The following PDE1A variants were observed in gnomAD, a reference collection of about 807,000 sequenced individuals.
PDE1A encodes phosphodiesterase 1A, also known as dual specificity calcium/calmodulin-dependent 3',5'-cyclic nucleotide phosphodiesterase 1A.
Under a neutral mutation model 61.7 loss-of-function variants are expected in PDE1A, and 35 were observed. That is an observed-to-expected ratio of 0.57 (90% CI 0.43 to 0.75). The LOEUF (loss-of-function observed/expected upper bound fraction) is 0.75. Among genes scored for constraint, PDE1A ranks in the 30% least tolerant of loss-of-function variants. PDE1A has a pLI of 0.00. For missense variants in PDE1A, 597 were observed against 630.6 expected (o/e 0.95, Z 0.57); for synonymous variants, 232 against 213.2 (o/e 1.09, Z -0.77).
chr2:182,560,305 T>C, the PDE1A span, among the ~76,000 whole-genome samples: 6 of 147,634 alleles, frequency 4.1e-5, no homozygotes, highest in African/African-American at 1.2e-4. Context: ...TGAGTGAGAA[T>C]ATGCGGTGTT....
chr2:182,272,379 T>A (rs11886671), intron 1 of PDE1A, among the ~76,000 whole-genome samples: 40,225 of 151,886 alleles, frequency 0.26, 5,437 homozygotes, highest in Middle Eastern at 0.38. Flanking sequence ...CATATTTTCA[T>A]TTTTTCACTG....
intron 1 of PDE1A, among the ~76,000 whole-genome samples, chr2:182,319,592 T>G (rs990123742): frequency 1.3e-5 from 2 of 152,166 alleles, no homozygotes; most frequent in Non-Finnish European, 2.9e-5. Flanking sequence ...CCTGTGGCAA[T>G]CTAAGGAATA....
chr2:182,473,030 T>C (rs1687134519), intron 2 of PDE1A, among the ~76,000 whole-genome samples: 1 of 151,864 alleles, frequency 6.6e-6, no homozygotes, highest in African/African-American at 2.4e-5. Context: ...GTTACATATG[T>C]ATACATGTGC....
intron 2 of PDE1A, among the ~76,000 whole-genome samples, chr2:182,241,500 A>T (rs1039272315): frequency 6.6e-6 from 1 of 152,236 alleles, no homozygotes. Context: ...AAAACAAAGG[A>T]CAAAAAACAG....
At chr2:182,456,832 T>C (rs1685951265) in intron 2 of PDE1A, among the ~76,000 whole-genome samples, 2 of 152,072 alleles carry the variant, frequency 1.3e-5, no homozygotes, top group Admixed American at 1.3e-4. Context: ...ATCAAATTAG[T>C]CTCTATGCTC....
the PDE1A span, among the ~76,000 whole-genome samples, chr2:182,624,031 A>T: frequency 6.6e-6 from 1 of 150,566 alleles, no homozygotes; most frequent in Non-Finnish European, 1.5e-5. Flanking sequence ...AGGCTGAGGC[A>T]GGAGAATGGC....
the PDE1A span, among the ~76,000 whole-genome samples, chr2:182,626,271 GC>G: frequency 6.6e-6 from 1 of 152,228 alleles, no homozygotes; most frequent in Non-Finnish European, 1.5e-5. Context: ...TCTAGTTAAA[GC>G]TTTTTACTGG....
intron 2 of PDE1A, among the ~76,000 whole-genome samples, chr2:182,464,322 A>C (rs1686510878): frequency 6.6e-6 from 1 of 152,134 alleles, no homozygotes; most frequent in Non-Finnish European, 1.5e-5. Context: ...GTGGGGTATA[A>C]GGCAAATACC....
chr2:182,611,195 A>G, the PDE1A span, among the ~76,000 whole-genome samples: 1 of 152,208 alleles, frequency 6.6e-6, no homozygotes, highest in Admixed American at 6.5e-5. Flanking sequence ...GCCCACTTCC[A>G]ATTCCATGCA....
upstream of PDE1A, among the ~76,000 whole-genome samples, chr2:182,525,279 T>C (rs1574857326): frequency 6.6e-6 from 1 of 152,292 alleles, no homozygotes. Context: ...TTCAATAGAT[T>C]TTAGTGACAA....
chr2:182,370,037 C>T (rs747367484), intron 1 of PDE1A, among the ~76,000 whole-genome samples: 16 of 151,808 alleles, frequency 1.1e-4, no homozygotes, highest in Non-Finnish European at 2.2e-4. Context: ...ATTAGCCGGG[C>T]GTGGTGGTGG....
At chr2:182,566,902 C>T in the PDE1A span, among the ~76,000 whole-genome samples, 7 of 152,162 alleles carry the variant, frequency 4.6e-5, no homozygotes, top group African/African-American at 1.7e-4. Context: ...CTGTGAATAC[C>T]TAGATTTAGT....
intron 1 of PDE1A, among the ~76,000 whole-genome samples, chr2:182,292,516 T>C (rs1028271248): frequency 5.9e-5 from 9 of 152,070 alleles, no homozygotes; most frequent in African/African-American, 1.9e-4. Flanking sequence ...TTTTAAAATA[T>C]GTATTCCACA....
At chr2:182,236,998 T>C (rs911290283) in intron 3 of PDE1A, among the ~76,000 whole-genome samples, 23 of 152,222 alleles carry the variant, frequency 1.5e-4, no homozygotes, top group Non-Finnish European at 3.1e-4. Context: ...TGACTCATCC[T>C]TGAATTAGAA....
chr2:182,420,403 T>C (rs1574615127), intron 1 of PDE1A, among the ~76,000 whole-genome samples: 1 of 152,176 alleles, frequency 6.6e-6, no homozygotes, highest in Non-Finnish European at 1.5e-5. Flanking sequence ...CAGTTGGAAC[T>C]GACATAACTG....
chr2:182,209,780 C>T (rs1687426105), intron 7 of PDE1A, among the ~76,000 whole-genome samples: 1 of 152,058 alleles, frequency 6.6e-6, no homozygotes, highest in Non-Finnish European at 1.5e-5. Flanking sequence ...TGTAAGTTTC[C>T]TGAGGCCTCC....
chr2:182,527,091 A>G (rs191600322), upstream of PDE1A, among the ~76,000 whole-genome samples: 117 of 148,968 alleles, frequency 7.9e-4, no homozygotes, highest in African/African-American at 2.8e-3. Flanking sequence ...AAGTAAAAAG[A>G]ATTTTTTTAA....
At chr2:182,557,074 C>G in the PDE1A span, among the ~76,000 whole-genome samples, 1 of 152,080 alleles carries the variant, frequency 6.6e-6, no homozygotes, top group African/African-American at 2.4e-5. Context: ...GCGGGTGGAT[C>G]ACCTGAGGTC....
intron 1 of PDE1A, among the ~76,000 whole-genome samples, chr2:182,288,895 T>C (rs544812413): frequency 2.9e-4 from 44 of 152,212 alleles, no homozygotes; most frequent in African/African-American, 9.4e-4. Flanking sequence ...GAAAGACTTT[T>C]AAAAATAGTA....
Sources: gnomAD v4.1 joint callset for allele counts (sites outside exome capture counted in the v4.1 genomes callset) on GRCh38, gnomAD v4.1.1 for gene constraint, MANE v1.5 for transcripts, NCBI Gene and HGNC (gene_info 2026-07-23, HGNC 2026-07-21) for gene names.